The following KIF24 variants were observed in gnomAD, a reference collection of about 807,000 sequenced individuals.
KIF24 encodes the protein kinesin-like protein KIF24.
In KIF24, 81 loss-of-function variants were observed where a neutral mutation model predicts 118.9. The ratio of observed to expected loss-of-function variants is 0.68; its 90% CI spans 0.57 to 0.82. The LOEUF is 0.82. Ranked by LOEUF, KIF24 falls within the 40% of genes least tolerant of loss-of-function variation. The pLI is 0.00. For synonymous variants in KIF24, 599 were observed against 610.0 expected (o/e 0.98, Z 0.27); for missense variants, 1,560 against 1,661.6 (o/e 0.94, Z 1.06).
chr9:34,275,409 A>G (rs146383293), intron 6 of KIF24, among the ~76,000 whole-genome samples: 7 of 152,136 alleles, frequency 4.6e-5, no homozygotes, highest in Non-Finnish European at 7.4e-5. Context: ...CAACAACAAC[A>G]GTGTTATTTG....
At chr9:34,259,941 A>G (rs532960934) in intron 9 of KIF24, among the ~76,000 whole-genome samples, 9 of 152,356 alleles carry the variant, frequency 5.9e-5, no homozygotes, top group African/African-American at 2.2e-4. Flanking sequence ...AACTCATTAG[A>G]TTAAGAGACT....
chr9:34,307,144 T>C (rs563348990), intron 2 of KIF24, among the ~76,000 whole-genome samples: 3 of 152,104 alleles, frequency 2.0e-5, no homozygotes, highest in Non-Finnish European at 4.4e-5. Flanking sequence ...CCATGGCTCA[T>C]TGCAGCCTCA....
intron 5 of KIF24, among the ~76,000 whole-genome samples, chr9:34,289,434 C>T (rs149192895): frequency 1.3e-5 from 2 of 152,260 alleles, no homozygotes; most frequent in African/African-American, 2.4e-5. Flanking sequence ...TTCCAGGAGG[C>T]TCAGCCTCAA....
intron 2 of KIF24, among the ~76,000 whole-genome samples, chr9:34,308,443 T>C (rs573895438): frequency 8.8e-4 from 134 of 152,114 alleles, no homozygotes; most frequent in African/African-American, 3.0e-3. Flanking sequence ...GCCATGACGC[T>C]CTGCTAATTT....
intron 9 of KIF24, among the ~76,000 whole-genome samples, chr9:34,261,122 G>A (rs951421260): frequency 1.3e-5 from 2 of 152,288 alleles, no homozygotes; most frequent in South Asian, 4.1e-4. Context: ...AAGGAACTAT[G>A]TTTTTACAGG....
chr9:34,262,958 T>C lies in KIF24; in HGVS notation c.1515+143A>G, dbSNP rs1297705277. Reference sequence around the variant, plus strand: ...TTGTAGACAGAGTTCCTGGATGGAATTTCACTCCTCTCCTTCTCTTTTCCC... The same window carrying C: ...TTGTAGACAGAGTTCCTGGATGGAACTTCACTCCTCTCCTTCTCTTTTCCC... On this transcript the variant is annotated intron_variant, in intron 9 of 12. Transcript: ENST00000402558. 7.7e-6 allele frequency: 5 copies of C among 647,026 alleles called. No homozygotes were observed. In the African/African-American group the frequency reaches 9.1e-5, roughly 12 times the overall value. The allele number at this position is 647,026 out of a possible 1,614,324, so 40.1% of individuals were successfully genotyped here. A position where few individuals can be genotyped will look rare whatever the true frequency, so the allele number is the denominator to read the frequency against.
intron 1 of KIF24, among the ~76,000 whole-genome samples, chr9:34,316,177 G>A (rs1179932512): frequency 2.0e-5 from 3 of 151,596 alleles, no homozygotes; most frequent in Admixed American, 1.3e-4. Context: ...TGGTGAAACC[G>A]TCTCTACTAA....
intron 3 of KIF24, among the ~76,000 whole-genome samples, chr9:34,300,363 A>G (rs1836651455): frequency 6.6e-6 from 1 of 151,756 alleles, no homozygotes. Context: ...TATTTTTAAA[A>G]TCTGGTGGTA....
intron 4 of KIF24, among the ~76,000 whole-genome samples, chr9:34,294,022 T>G (rs1306543418): frequency 1.3e-5 from 2 of 152,072 alleles, no homozygotes; most frequent in African/African-American, 4.8e-5. Context: ...CAGGCTGGAG[T>G]GTAGTGATCA....
chr9:34,310,865 G>C lies in KIF24; in HGVS notation c.482C>G (p.Ser161Cys). 1 of 1,613,960 alleles carries C rather than the reference G, an allele frequency of 6.2e-7. No homozygotes were observed. Among genetic ancestry groups the C allele is most frequent in the Non-Finnish European group, 8.5e-7 (1 of 1,179,854 alleles). The change falls in exon 2 of 13, where the codon TCC (serine) becomes TGC (cysteine). Residue 161 changes from serine (S) to cysteine (C), a missense_variant. Transcript: ENST00000402558. ...AGTGCTGATTTCTGTTTGCACATAG[G>C]AATCACCAGCTGTGGCATTCAGAAT... is the stretch of plus-strand genomic sequence containing the variant. ...TGILNATAGDSYVQTEISTSL... is the reference protein window; with the variant it reads ...TGILNATAGDCYVQTEISTSL...
rs1158640827 is a variant in KIF24, at chr9:34,271,838, G to T, written c.1308C>A (p.Ile436=). 6.2e-7 allele frequency: 1 copy of T among 1,612,856 alleles called. No homozygotes were observed. The highest frequency in any genetic ancestry group is 1.7e-5 in the Admixed American group (1 of 59,900). The part of the protein sequence containing the change: ...SRSHAVIQIQ[I]KDSAKRTFGR... Reference sequence around the variant, plus strand: ...CAAATGTCCTCTTGGCTGAATCTTTGATCTGAATTTGGATGACGGCATGGG... The same window carrying T: ...CAAATGTCCTCTTGGCTGAATCTTTTATCTGAATTTGGATGACGGCATGGG... The change falls in exon 7 of 13, where the codon ATC becomes ATA. Residue 436 remains isoleucine, a synonymous_variant. Coordinates refer to ENST00000402558, the MANE Select transcript of KIF24 (RefSeq NM_194313.4).
chr9:34,294,615 A>C (rs1240802898), intron 4 of KIF24, among the ~76,000 whole-genome samples: 1 of 152,238 alleles, frequency 6.6e-6, no homozygotes, highest in Non-Finnish European at 1.5e-5. Context: ...AATATCTGTC[A>C]ACAGGAGAAT....
chr9:34,279,555 G>C (rs1835770864), intron 6 of KIF24, among the ~76,000 whole-genome samples: 1 of 152,250 alleles, frequency 6.6e-6, no homozygotes, highest in African/African-American at 2.4e-5. Context: ...TCTGGTGCCT[G>C]CGTTGGCAAG....
intron 4 of KIF24, among the ~76,000 whole-genome samples, chr9:34,296,649 A>T (rs1836492542): frequency 6.6e-6 from 1 of 152,186 alleles, no homozygotes; most frequent in African/African-American, 2.4e-5. Flanking sequence ...TCCTATCATC[A>T]AAGTTCAGAC....
At chr9:34,283,025 G>A (rs1158195034) in intron 6 of KIF24, among the ~76,000 whole-genome samples, 4 of 141,544 alleles carry the variant, frequency 2.8e-5, no homozygotes, top group African/African-American at 5.3e-5. Flanking sequence ...GCACTCCAGC[G>A]TGGGCGACAA....
rs1328195658 is a variant in KIF24 at position 34,256,299 on chromosome 9, A to G, written c.3308T>C (p.Leu1103Ser). 2 of 1,612,474 alleles carry G rather than the reference A, an allele frequency of 1.2e-6. No homozygotes were observed. The highest frequency in any genetic ancestry group is 3.3e-5 in the Admixed American group (2 of 59,854). Reference sequence around the variant, plus strand: ...GTGCCTAGTTGCTGAAGACACTGGCAAGGCTGCCTCTTGATCACCAGATGG... The same window carrying G: ...GTGCCTAGTTGCTGAAGACACTGGCGAGGCTGCCTCTTGATCACCAGATGG... ...TVPSGDQEAA[L>S]PVSSATRHLW... The change falls in exon 11 of 13, where the codon TTG becomes TCG. Residue 1103 changes from leucine (L) to serine (S), a missense_variant. Transcript: ENST00000402558.
chr9:34,264,490 G>C (rs1328915773), intron 8 of KIF24, among the ~76,000 whole-genome samples: 1 of 151,286 alleles, frequency 6.6e-6, no homozygotes, highest in African/African-American at 2.4e-5. Flanking sequence ...TTGCCACCAA[G>C]AATAGGTAGT....
chr9:34,257,516 A>G lies in KIF24; in HGVS notation c.2091T>C (p.Gly697=), dbSNP rs766644842. The part of the protein sequence containing the change: ...ASGPGEGLVR[G]KLSTKCKKVQ... ...CTTTCTTGCACTTGGTGGACAGCTTACCACGCACTAGGCCTTCTCCTGGGC... is the reference window on the plus strand; with the variant it reads ...CTTTCTTGCACTTGGTGGACAGCTTGCCACGCACTAGGCCTTCTCCTGGGC... Residue 697 remains glycine (G), a synonymous_variant, in exon 11 of 13, where the codon GGT becomes GGC. Transcript: ENST00000402558. 7 of 1,614,060 alleles carry G rather than the reference A, an allele frequency of 4.3e-6. No homozygotes were observed. The highest frequency in any genetic ancestry group is 2.2e-5 in the South Asian group (2 of 91,090).
chr9:34,324,146 C>A (rs770962172), intron 1 of KIF24, among the ~76,000 whole-genome samples: 1 of 152,192 alleles, frequency 6.6e-6, no homozygotes, highest in Non-Finnish European at 1.5e-5. Flanking sequence ...CTTCCAGAAT[C>A]CCAATGTAAC....
Sources: gnomAD v4.1 joint callset for allele counts (sites outside exome capture counted in the v4.1 genomes callset) on GRCh38, gnomAD v4.1.1 for gene constraint, MANE v1.5 for transcripts, NCBI Gene and HGNC (gene_info 2026-07-23, HGNC 2026-07-21) for gene names.